The following ABCB9 variants were observed in gnomAD, a reference collection of about 807,000 sequenced individuals.
ABCB9 encodes the protein ABC-type oligopeptide transporter ABCB9.
In ABCB9, 36 loss-of-function variants were observed where a neutral mutation model predicts 62.0. The ratio of observed to expected loss-of-function variants is 0.58; its 90% confidence interval spans 0.45 to 0.77. ABCB9 has a LOEUF of 0.77. Among genes scored for constraint, ABCB9 ranks in the 30% least tolerant of loss-of-function variants. ABCB9 has a pLI of 0.00. For missense variants in ABCB9, 943 were observed against 1,054.7 expected, an observed-to-expected ratio of 0.89 and a Z score of 1.47; for synonymous variants, 435 against 461.4, an observed-to-expected ratio of 0.94 and a Z score of 0.73.
chr12:122,940,794 G>A lies in ABCB9; in HGVS notation c.1569+13C>T. 1 of 1,565,350 alleles carries A rather than the reference G, an allele frequency of 6.4e-7. No homozygotes were observed. The highest frequency in any genetic ancestry group is 1.3e-5 in the African/African-American group (1 of 74,404). On this transcript the variant is annotated intron_variant, in intron 8 of 11. Transcript: ENST00000280560. This position sits in a 1 kb window ranked among gnomAD's most constrained non-coding sequence, Gnocchi z 4.8. ...AAAGGCTGATTCTGGCAGGCCTCAA[G>A]CCGCGCCCTCACCTGCAGGACCTGG... is the stretch of plus-strand genomic sequence containing the variant.
chr12:122,944,922 C>T lies in ABCB9; in HGVS notation c.1252-403G>A, dbSNP rs2035957757. 6.6e-6 allele frequency among the ~76,000 whole-genome samples: 1 copy of T among 152,212 alleles called. No individual in the cohort carries two copies. ...CTCTGTCTCCTCCCCCAGTGGGGTT[C>T]CGTGAAGAAGGGGCTGTGATGGGAG... On this transcript the variant is annotated intron_variant, in intron 6 of 11. Coordinates refer to ENST00000280560, the MANE Select transcript of ABCB9 (RefSeq NM_019625.4). This position sits in a 1 kb window ranked among gnomAD's most constrained non-coding sequence, Gnocchi z 4.9.
At chr12:122,941,927 C>A (rs1161584992) in intron 7 of ABCB9, among the ~76,000 whole-genome samples, 1 of 151,822 alleles carries the variant, frequency 6.6e-6, no homozygotes, top group Non-Finnish European at 1.5e-5. Flanking sequence ...TGGGGTTGCA[C>A]CATGTTGCCC....
At position 122,964,600 on chromosome 12, in the gene ABCB9, A is replaced by G. The variant is rs1418313319; in HGVS notation, c.-88+1687T>C. ...GTTATTTTTAAAGCTACTGGGCAGAAGCGTGACCACCAGCCAAGGCTGCTT... is the reference window on the plus strand; with the variant it reads ...GTTATTTTTAAAGCTACTGGGCAGAGGCGTGACCACCAGCCAAGGCTGCTT... On this transcript the variant is annotated intron_variant, in intron 1 of 11. Coordinates refer to ENST00000280560, the MANE Select transcript of ABCB9 (RefSeq NM_019625.4). This position sits in a 1 kb window ranked among gnomAD's most constrained non-coding sequence, Gnocchi z 4.7. Among the ~76,000 whole-genome samples, 1 of 152,242 alleles carries G rather than the reference A, an allele frequency of 6.6e-6. No homozygotes were observed. The highest frequency in any genetic ancestry group is 6.5e-5 in the Admixed American group (1 of 15,288).
chr12:122,954,452 C>T lies in ABCB9; in HGVS notation c.602-3887G>A, dbSNP rs1410231714. Among the ~76,000 whole-genome samples the T allele has an allele frequency of 2.6e-5, 4 of 151,948 alleles. No homozygotes were observed. The East Asian group carries it at 7.7e-4, about 29-fold the overall frequency. ...CGAACTCCTGACCTCAGGTGATCTG[C>T]CCCCCCTTGCTGAGATTACAGGTGT... is the stretch of plus-strand genomic sequence containing the variant. On this transcript the variant is annotated intron_variant, in intron 2 of 11. Transcript: ENST00000280560.
At chr12:122,967,250 T>G (rs750063399), upstream of ABCB9, among the ~76,000 whole-genome samples, 1 of 152,116 alleles carries the variant, frequency 6.6e-6, no homozygotes. Context: ...ATTCAGGTAC[T>G]GGATGCAGTA....
In ABCB9 at chr12:122,959,077, C is replaced by T. The variant is rs1219352155; in HGVS notation, c.601+558G>A. Among the ~76,000 whole-genome samples, 1 of 149,518 alleles carries T rather than the reference C, an allele frequency of 6.7e-6. No individual in the cohort carries two copies. The highest frequency in any genetic ancestry group is 2.4e-5 in the African/African-American group (1 of 40,922). ...TTACATAAAATAGAAATGGGGCAGGCACCGTGGCTCACGCCTGTAATCCCA... is the reference window on the plus strand; with the variant it reads ...TTACATAAAATAGAAATGGGGCAGGTACCGTGGCTCACGCCTGTAATCCCA... On this transcript the variant is annotated intron_variant, in intron 2 of 11. Transcript: ENST00000280560. The surrounding 1 kb of genome is among the most constrained non-coding windows in gnomAD (Gnocchi z 5.4).
At chr12:122,935,236 G>A in intron 10 of ABCB9, 36 bp downstream of exon 10, 1 of 1,569,560 alleles carries the variant, frequency 6.4e-7, no homozygotes. Context: ...GGGTGACCCT[G>A]TGGGCCCAGG....
chr12:122,933,204 C>A (rs766800553), intron 10 of ABCB9, among the ~76,000 whole-genome samples: 4 of 152,178 alleles, frequency 2.6e-5, no homozygotes, highest in Non-Finnish European at 5.9e-5. Context: ...GCCACCAGTT[C>A]TTTATTATTT....
chr12:122,938,481 G>A (rs2035569491), intron 9 of ABCB9, among the ~76,000 whole-genome samples: 1 of 152,114 alleles, frequency 6.6e-6, no homozygotes, highest in Non-Finnish European at 1.5e-5. Flanking sequence ...GCAGTAAGTT[G>A]TGACTGTGCC....
In ABCB9 at chr12:122,959,637, A is replaced by G. The variant is rs769129766; in HGVS notation, c.599T>C (p.Leu200Pro). The change falls in exon 2 of 12, where the codon CTG (leucine) becomes CCG (proline). Residue 200 changes from leucine to proline, a missense_variant and splice_region_variant. Leu to Pro is a moderately conservative substitution (Grantham distance 98). Transcript: ENST00000280560. This position sits in a 1 kb window ranked among gnomAD's most constrained non-coding sequence, Gnocchi z 5.4. Reference sequence around the variant, plus strand: ...ATGTCCCCGAGGTCCTTACTTACCCAGAGCTGCCACGATGAGGAAGAAGGA... The same window carrying G: ...ATGTCCCCGAGGTCCTTACTTACCCGGAGCTGCCACGATGAGGAAGAAGGA... The part of the protein sequence containing the change: ...AASFFLIVAA[L>P]GETFLPYYTG... The G allele has an allele frequency of 1.9e-6, 3 of 1,552,006 alleles. No individual in the cohort carries two copies. The highest frequency in any genetic ancestry group is 2.6e-6 in the Non-Finnish European group (3 of 1,145,842).
chr12:122,928,591 C>T (rs1212615962), downstream of ABCB9, among the ~76,000 whole-genome samples: 4 of 152,196 alleles, frequency 2.6e-5, no homozygotes, highest in East Asian at 1.9e-4. Flanking sequence ...TTCCTGTGTC[C>T]GGGCCCAAAC....
upstream of ABCB9, among the ~76,000 whole-genome samples, chr12:122,970,877 C>G (rs1566205474): frequency 6.6e-6 from 1 of 152,172 alleles, no homozygotes; most frequent in Non-Finnish European, 1.5e-5. Flanking sequence ...ACGGAGGAAC[C>G]TTCAATGCAC....
chr12:122,929,737 G>A lies in ABCB9; in HGVS notation c.*174C>T. Reference sequence around the variant, plus strand: ...GGCAGCAGGGGTAAGGAGTGCCCTGGGAATGGGGCAGGGACCAGGGGCAAG... The same window carrying A: ...GGCAGCAGGGGTAAGGAGTGCCCTGAGAATGGGGCAGGGACCAGGGGCAAG... On this transcript the variant is annotated 3_prime_UTR_variant, in exon 12 of 12. Coordinates refer to ENST00000280560, the MANE Select transcript of ABCB9 (RefSeq NM_019625.4). This position sits in a 1 kb window ranked among gnomAD's most constrained non-coding sequence, Gnocchi z 6.0. 1 of 1,385,280 alleles carries A rather than the reference G, an allele frequency of 7.2e-7. No individual in the cohort carries two copies. The highest frequency in any genetic ancestry group is 9.4e-7 in the Non-Finnish European group (1 of 1,068,282). 85.8% of individuals were successfully genotyped at this position (1,385,280 alleles called of 1,614,324 possible).
rs1464857351 is a variant in ABCB9 at position 122,947,738 on chromosome 12, C to A, written c.1053+886G>T. The A allele has an allele frequency of 8.6e-6, 2 of 231,584 alleles. No individual in the cohort carries two copies. Among genetic ancestry groups the A allele is most frequent in the African/African-American group, 2.3e-5 (1 of 44,278 alleles). 14.3% of individuals were successfully genotyped at this position (231,584 alleles called of 1,614,324 possible). On this transcript the variant is annotated intron_variant, in intron 5 of 11. Transcript: ENST00000280560. This position sits in a 1 kb window ranked among gnomAD's most constrained non-coding sequence, Gnocchi z 6.0. ...GGTGGCCAGAGGGGACAGCAGCCTG[C>A]CCATGATGGCATCACAGCGGGCCCG...
intron 4 of ABCB9, 109 bp from the exon 5 acceptor site, chr12:122,948,938 A>G: frequency 5.6e-6 from 2 of 355,662 alleles, no homozygotes; most frequent in South Asian, 4.6e-5. Context: ...GGGCCTCCCT[A>G]CCTGTGGGCG....
rs372937251 is a variant in ABCB9 at position 122,930,207 on chromosome 12, G to T, written c.2041-36C>A. Reference sequence around the variant, plus strand: ...AGTGGGGGCCTGGCTTGCATGGCACGGACGCCCCACCCGCAACCGTGCTTC... The same window carrying T: ...AGTGGGGGCCTGGCTTGCATGGCACTGACGCCCCACCCGCAACCGTGCTTC... On this transcript the variant is annotated intron_variant, in intron 11 of 11. Coordinates refer to ENST00000280560, the MANE Select transcript of ABCB9 (RefSeq NM_019625.4). This position sits in a 1 kb window ranked among gnomAD's most constrained non-coding sequence, Gnocchi z 4.9. 68 of 1,509,148 alleles carry T rather than the reference G, an allele frequency of 4.5e-5. No homozygotes were observed. The African/African-American group carries it at 8.8e-4, about 20-fold the overall frequency. 93.5% of individuals were successfully genotyped at this position (1,509,148 alleles called of 1,614,324 possible).
At chr12:122,948,906 C>T in intron 4 of ABCB9, 77 bp from the exon 5 acceptor site, 1 of 1,230,358 alleles carries the variant, frequency 8.1e-7, no homozygotes, top group Non-Finnish European at 1.1e-6. Context: ...TAAGGGGCCT[C>T]TGAGACAGAC....
At chr12:122,962,761 C>G (rs1373218095) in intron 1 of ABCB9, among the ~76,000 whole-genome samples, 1 of 152,218 alleles carries the variant, frequency 6.6e-6, no homozygotes, top group African/African-American at 2.4e-5. Context: ...GAGCCCTGCC[C>G]TGCACCATGT....
chr12:122,929,347 C>T lies in ABCB9; in HGVS notation c.*564G>A, dbSNP rs149267580. 9.6e-4 allele frequency: 946 copies of T among 985,992 alleles called. No individual in the cohort carries two copies. Among genetic ancestry groups the T allele is most frequent in the Middle Eastern group, 1.0e-3 (2 of 1,914 alleles). The allele number at this position is 985,992 out of a possible 1,614,324, so 61.1% of individuals were successfully genotyped here. On this transcript the variant is annotated 3_prime_UTR_variant, in exon 12 of 12. Coordinates refer to ENST00000280560, the MANE Select transcript of ABCB9 (RefSeq NM_019625.4). This position sits in a 1 kb window ranked among gnomAD's most constrained non-coding sequence, Gnocchi z 6.0. ...GGCGATGGCAGACAGATGCCCTCCA[C>T]GCTCCCTACCCGCCCTGGCCAGACT...
Sources: allele counts gnomAD v4.1 joint callset (sites outside exome capture counted in the v4.1 genomes callset), GRCh38; gene constraint gnomAD v4.1.1; non-coding constraint Gnocchi (gnomAD v3.1); transcripts MANE v1.5; gene names NCBI Gene and HGNC (gene_info 2026-07-23, HGNC 2026-07-21).